Variants in ASXL3 observed in about 807,000 individuals in gnomAD.
ASXL3 encodes putative Polycomb group protein ASXL3.
ASXL3 carries 34 observed loss-of-function variants against 170.6 expected under a neutral mutation model. The observed-to-expected ratio is 0.20, with a 90% CI of 0.15 to 0.27. The LOEUF is 0.27. Among genes scored for constraint, ASXL3 ranks in the 10% least tolerant of loss-of-function variants. The pLI, the probability that ASXL3 is intolerant of heterozygous loss-of-function variation, is 1.00. For synonymous variants in ASXL3, 1,002 were observed against 989.1 expected (o/e 1.01, Z -0.24); for missense variants, 2,592 against 2,695.3 (o/e 0.96, Z 0.85).
At chr18:33,722,747 A>G (rs1200451231) in intron 8 of ASXL3, among the ~76,000 whole-genome samples, 4 of 152,176 alleles carry the variant, frequency 2.6e-5, no homozygotes, top group Non-Finnish European at 5.9e-5. Context: ...CAGATTTTCA[A>G]TGTAGATGAA....
intron 7 of ASXL3, among the ~76,000 whole-genome samples, chr18:33,680,970 T>G (rs1047059854): frequency 6.6e-6 from 1 of 152,054 alleles, no homozygotes; most frequent in African/African-American, 2.4e-5. Flanking sequence ...TTAATTTTTT[T>G]CCTCCTTTTG....
At chr18:33,580,834 A>T (rs1293368232) in intron 1 of ASXL3, among the ~76,000 whole-genome samples, 1 of 152,140 alleles carries the variant, frequency 6.6e-6, no homozygotes, top group East Asian at 1.9e-4. Flanking sequence ...GTAATTTTTC[A>T]ATTTGGTTTA....
rs1245056060 is a variant in ASXL3 at position 33,740,449 on chromosome 18, G to GTA, written c.3039+8_3039+9dup. The stretch of plus-strand genomic sequence containing the variant: ...CAAGGGTTCCCCCTCTCAAGGTATG[G>GTA]TATTAAATAAACAAAAGGCAATTCC... On this transcript the variant is annotated splice_region_variant and intron_variant, in intron 11 of 11. Transcript: ENST00000269197. 5 of 1,528,106 alleles carry GTA rather than the reference G, an allele frequency of 3.3e-6. No homozygotes were observed. The highest frequency in any genetic ancestry group is 1.4e-5 in the African/African-American group (1 of 71,614). 94.7% of individuals were successfully genotyped at this position (1,528,106 alleles called of 1,614,324 possible).
chr18:33,706,220 A>G (rs1454802102), intron 8 of ASXL3, among the ~76,000 whole-genome samples: 1 of 151,782 alleles, frequency 6.6e-6, no homozygotes, highest in Non-Finnish European at 1.5e-5. Flanking sequence ...CCAAGGAAAA[A>G]GATCAAAGAG....
Position 33,743,472 on chromosome 18 carries a change from T to A in ASXL3, c.3624T>A (p.Pro1208=). 3.1e-6 allele frequency: 5 copies of A among 1,613,614 alleles called. No homozygotes were observed. Among genetic ancestry groups the A allele is most frequent in the Non-Finnish European group, 4.2e-6 (5 of 1,179,858 alleles). ...LSVHSSDENI[P]VSHLSEKIVS... ...TGCATAGTTCTGATGAAAACATACC[T>A]GTGTCACATTTATCTGAGAAAATTG... The change falls in exon 12 of 12, where the codon CCT becomes CCA. Residue 1208 remains proline, a synonymous_variant. Transcript: ENST00000269197.
intron 2 of ASXL3, among the ~76,000 whole-genome samples, chr18:33,633,914 T>G (rs916625509): frequency 6.6e-6 from 1 of 151,642 alleles, no homozygotes; most frequent in African/African-American, 2.4e-5. Flanking sequence ...GAAAGAATTC[T>G]ATAGAATATT....
intron 6 of ASXL3, among the ~76,000 whole-genome samples, chr18:33,671,186 A>G (rs1054126770): frequency 2.6e-5 from 4 of 152,144 alleles, no homozygotes; most frequent in African/African-American, 7.2e-5. Flanking sequence ...CTGTGCTGCA[A>G]AGTCAGAAAT....
intron 2 of ASXL3, among the ~76,000 whole-genome samples, chr18:33,642,234 G>T (rs561176782): frequency 6.6e-6 from 1 of 152,034 alleles, no homozygotes; most frequent in South Asian, 2.1e-4. Flanking sequence ...TGTTGTCTAA[G>T]TTTTCTGTAG....
chr18:33,662,452 G>A (rs188426757), intron 5 of ASXL3, among the ~76,000 whole-genome samples: 4 of 152,264 alleles, frequency 2.6e-5, no homozygotes, highest in Admixed American at 1.3e-4. Flanking sequence ...GGATTGATCC[G>A]AGAATTAGCT....
At chr18:33,650,120 T>C (rs768848265) in intron 4 of ASXL3, among the ~76,000 whole-genome samples, 2 of 152,068 alleles carry the variant, frequency 1.3e-5, no homozygotes, top group African/African-American at 2.4e-5. Flanking sequence ...GCATAAGATA[T>C]TAGAGAATCA....
At chr18:33,633,446 A>C (rs1019881817) in intron 2 of ASXL3, among the ~76,000 whole-genome samples, 16 of 152,210 alleles carry the variant, frequency 1.1e-4, no homozygotes, top group African/African-American at 3.9e-4. Flanking sequence ...TTATAATTAA[A>C]CTAATTTGCA....
intron 8 of ASXL3, among the ~76,000 whole-genome samples, chr18:33,688,625 A>G (rs1482287389): frequency 6.6e-6 from 1 of 152,200 alleles, no homozygotes; most frequent in Non-Finnish European, 1.5e-5. Context: ...GAAAATAACA[A>G]ATCCATGAGA....
chr18:33,645,325 C>T (rs1417864772), intron 3 of ASXL3, among the ~76,000 whole-genome samples: 1 of 151,906 alleles, frequency 6.6e-6, no homozygotes, highest in African/African-American at 2.4e-5. Context: ...TTACCATGAA[C>T]TCTTTGACTT....
intron 1 of ASXL3, among the ~76,000 whole-genome samples, chr18:33,580,327 A>G (rs910037121): frequency 1.3e-5 from 2 of 152,218 alleles, no homozygotes; most frequent in African/African-American, 4.8e-5. Context: ...GCTGGAGCAT[A>G]GTACATTACT....
At chr18:33,663,885 A>T (rs1253068292) in intron 5 of ASXL3, among the ~76,000 whole-genome samples, 1 of 152,060 alleles carries the variant, frequency 6.6e-6, no homozygotes, top group East Asian at 1.9e-4. Context: ...TTTCTTTTGG[A>T]TAGCTGAATG....
chr18:33,660,962 C>G (rs570654632), intron 4 of ASXL3, among the ~76,000 whole-genome samples: 1 of 152,256 alleles, frequency 6.6e-6, no homozygotes, highest in South Asian at 2.1e-4. Flanking sequence ...AAGAAAATGT[C>G]TTCTGTAGAA....
At chr18:33,663,594 T>C (rs1437107852) in intron 5 of ASXL3, among the ~76,000 whole-genome samples, 1 of 152,158 alleles carries the variant, frequency 6.6e-6, no homozygotes, top group Non-Finnish European at 1.5e-5. Context: ...TGAAAGCTTC[T>C]TAATGTCCTG....
Position 33,740,069 on chromosome 18 carries a change from G to C in ASXL3, c.2665G>C (p.Gly889Arg). ...SPLELSVFSEGTDNKGNELPS... is the reference protein window; with the variant it reads ...SPLELSVFSERTDNKGNELPS... ...ATTGGAATTATCTGTCTTTTCTGAA[G>C]GGACAGATAATAAGGGAAATGAGCT... is the stretch of plus-strand genomic sequence containing the variant. Residue 889 changes from glycine to arginine, a missense_variant, in exon 11 of 12, where the codon GGG (glycine) becomes CGG (arginine). Physicochemically the swap from Gly to Arg is moderately radical, Grantham distance 125 (BLOSUM62 -2). Coordinates refer to ENST00000269197, the MANE Select transcript of ASXL3 (RefSeq NM_030632.3). 1 of 1,613,930 alleles carries C rather than the reference G, an allele frequency of 6.2e-7. No homozygotes were observed. Among genetic ancestry groups the C allele is most frequent in the Non-Finnish European group, 8.5e-7 (1 of 1,179,868 alleles).
At chr18:33,714,337 C>G (rs760485498) in intron 8 of ASXL3, among the ~76,000 whole-genome samples, 1 of 152,074 alleles carries the variant, frequency 6.6e-6, no homozygotes, top group Non-Finnish European at 1.5e-5. Flanking sequence ...AGGCAGGTCC[C>G]GGGATCATGG....
Sources: allele counts gnomAD v4.1 joint callset (sites outside exome capture counted in the v4.1 genomes callset), GRCh38; gene constraint gnomAD v4.1.1; transcripts MANE v1.5; gene names NCBI Gene and HGNC (gene_info 2026-07-23, HGNC 2026-07-21).